Variants in ADNP2 observed in about 807,000 individuals in gnomAD.
ADNP2 encodes the protein activity-dependent neuroprotector homeobox protein 2.
ADNP2 carries 8 observed loss-of-function variants against 16.4 expected under a neutral mutation model. That is an observed-to-expected ratio of 0.49 (90% CI 0.29 to 0.88). The LOEUF (loss-of-function observed/expected upper bound fraction) is 0.88, where lower values mean the gene tolerates loss of function less well. Ranked by LOEUF, ADNP2 falls within the 40% of genes least tolerant of loss-of-function variation. The pLI is 0.09. For synonymous variants in ADNP2, 637 were observed against 545.8 expected, an observed-to-expected ratio of 1.17 and a Z score of -2.33; for missense variants, 1,397 against 1,395.1, an observed-to-expected ratio of 1.00 and a Z score of -0.02.
rs141615399 is a variant in ADNP2, at chr18:80,135,696, T to C, written c.283T>C (p.Tyr95His). 5 of 1,614,240 alleles carry C rather than the reference T, an allele frequency of 3.1e-6. No homozygotes were observed. The highest frequency in any genetic ancestry group is 4.2e-6 in the Non-Finnish European group (5 of 1,180,042). The change falls in exon 4 of 4, where the codon TAC becomes CAC. Residue 95 changes from tyrosine (Y) to histidine (H), a missense_variant. This residue lies in a region of ADNP2 where 777 missense variants were observed against 719.4 expected (regional missense o/e 1.08). Transcript: ENST00000262198. ...LTSFKNHLHR[Y>H]HEDEIDQELV... is the part of the protein sequence containing the mutation. ...TTCATTCAAGAATCATTTACATCGT[T>C]ACCATGAAGATGAAATTGACCAAGA...
chr18:80,126,842 G>A (rs1044376690), intron 2 of ADNP2, among the ~76,000 whole-genome samples: 1 of 152,038 alleles, frequency 6.6e-6, no homozygotes, highest in African/African-American at 2.4e-5. Flanking sequence ...TAGTTCCCCC[G>A]TATCCTCAGT....
chr18:80,134,801 AGT>A (rs1321983313), intron 3 of ADNP2, among the ~76,000 whole-genome samples: 1 of 152,044 alleles, frequency 6.6e-6, no homozygotes, highest in African/African-American at 2.4e-5. Flanking sequence ...GGTCATCCAT[AGT>A]GTGAGTTTAG....
chr18:80,137,319 C>A lies in ADNP2; in HGVS notation c.1906C>A (p.Pro636Thr). 6.2e-7 allele frequency: 1 copy of A among 1,613,960 alleles called. No homozygotes were observed. Among genetic ancestry groups the A allele is most frequent in the Non-Finnish European group, 8.5e-7 (1 of 1,179,910 alleles). ...VPPGGLATVA[P>T]PQMPIQLLPS... ...CCCTGGAGGCCTTGCGACTGTCGCT[C>A]CGCCCCAGATGCCCATCCAGCTCCT... The change falls in exon 4 of 4, where the codon CCG becomes ACG. Residue 636 changes from proline to threonine, a missense_variant. Physicochemically the swap from Pro to Thr is conservative, Grantham distance 38 (BLOSUM62 -1). Transcript: ENST00000262198. The surrounding 1 kb of genome is among the most constrained non-coding windows in gnomAD (Gnocchi z 4.2).
At position 80,133,115 on chromosome 18, in the gene ADNP2, T is replaced by G. The variant is rs1420326462; in HGVS notation, c.121T>G (p.Phe41Val). The stretch of plus-strand genomic sequence containing the variant: ...CCCTTTTTAAAAGGACCTTAAAGGC[T>G]TTGATCCAGGAGAGAAATACTTTCA... ...CKELLKDLKG[F>V]DPGEKYFHNT... Residue 41 changes from phenylalanine to valine, a missense_variant, in exon 3 of 4, where the codon TTT becomes GTT. Physicochemically the swap from Phe to Val is conservative, Grantham distance 50. Around this residue, in one of 3 missense-constraint regions of ADNP2, gnomAD observed 777 missense variants for 719.4 expected, o/e 1.08. Coordinates refer to ENST00000262198, the MANE Select transcript of ADNP2 (RefSeq NM_014913.4). The G allele has an allele frequency of 6.2e-7, 1 of 1,606,978 alleles. No individual in the cohort carries two copies. Among genetic ancestry groups the G allele is most frequent in the East Asian group, 2.2e-5 (1 of 44,842 alleles).
intron 1 of ADNP2, among the ~76,000 whole-genome samples, chr18:80,112,744 T>C (rs990189714): frequency 1.3e-5 from 2 of 152,204 alleles, no homozygotes; most frequent in Non-Finnish European, 2.9e-5. Context: ...AATCAGCCAA[T>C]CCCCAATCAC....
intron 2 of ADNP2, among the ~76,000 whole-genome samples, chr18:80,129,095 C>CTTTTTTTTTTTTTTTTTTTT (rs1424348931): frequency 7.6e-6 from 1 of 132,210 alleles, no homozygotes; most frequent in African/African-American, 2.9e-5. Flanking sequence ...TTACCCAGAA[C>CTTTTTTTTTTTTTTTTTTTT]TTTTTTTTTG....
At chr18:80,117,289 A>G (rs1195792693) in intron 1 of ADNP2, among the ~76,000 whole-genome samples, 2 of 152,064 alleles carry the variant, frequency 1.3e-5, no homozygotes, top group African/African-American at 2.4e-5. Context: ...ACGTTTTCTT[A>G]TAAGAGTTTT....
chr18:80,136,638 C>T lies in ADNP2; in HGVS notation c.1225C>T (p.Pro409Ser). 1.2e-6 allele frequency: 2 copies of T among 1,614,032 alleles called. No homozygotes were observed. The highest frequency in any genetic ancestry group is 1.7e-6 in the Non-Finnish European group (2 of 1,179,938). Residue 409 changes from proline (P) to serine (S), a missense_variant, in exon 4 of 4, where the codon CCC becomes TCC. Coordinates refer to ENST00000262198, the MANE Select transcript of ADNP2 (RefSeq NM_014913.4). ...GVLPLTQPVG[P>S]INRPVGPGVL... ...TTTACCCCTCACCCAGCCTGTGGGACCCATAAACAGACCTGTTGGGCCTGG... is the reference window on the plus strand; with the variant it reads ...TTTACCCCTCACCCAGCCTGTGGGATCCATAAACAGACCTGTTGGGCCTGG...
At chr18:80,113,650 C>G (rs567773021) in intron 1 of ADNP2, among the ~76,000 whole-genome samples, 12 of 152,214 alleles carry the variant, frequency 7.9e-5, no homozygotes, top group African/African-American at 2.6e-4. Context: ...TGAACATTTG[C>G]TACGTACTGT....
rs749656931 is a variant in ADNP2 at position 80,137,145 on chromosome 18, G to A, written c.1732G>A (p.Val578Met). The change falls in exon 4 of 4, where the codon GTG becomes ATG. Residue 578 changes from valine (V) to methionine (M), a missense_variant. By Grantham distance (21) the Val-to-Met change is conservative. Transcript: ENST00000262198. The surrounding 1 kb of genome is among the most constrained non-coding windows in gnomAD (Gnocchi z 4.2). ...NQTVGTNILP[V>M]NQPVRPGASQ... ...GACTGTGGGCACCAACATTCTGCCT[G>A]TGAATCAGCCAGTGAGACCTGGTGC... 1 of 1,614,236 alleles carries A rather than the reference G, an allele frequency of 6.2e-7. No individual in the cohort carries two copies. Among genetic ancestry groups the A allele is most frequent in the South Asian group, 1.1e-5 (1 of 91,084 alleles).
intron 1 of ADNP2, chr18:80,109,913 T>TG (rs1274193305): frequency 1.3e-5 from 2 of 151,372 alleles, no homozygotes; most frequent in Non-Finnish European, 2.9e-5. Context: ...TGGCGACCCC[T>TG]GTAAGGACTC....
intron 2 of ADNP2, among the ~76,000 whole-genome samples, chr18:80,128,587 C>CGGCAGT (rs1363946195): frequency 6.6e-6 from 1 of 151,976 alleles, no homozygotes; most frequent in Admixed American, 6.6e-5. Context: ...GAGGTGGAGG[C>CGGCAGT]GGCAGTGAGC....
chr18:80,112,468 C>CT (rs962867584), intron 1 of ADNP2, among the ~76,000 whole-genome samples: 2 of 151,578 alleles, frequency 1.3e-5, no homozygotes, highest in African/African-American at 4.9e-5. Context: ...TTTCCCCCTC[C>CT]TTTTTTTAAA....
Position 80,138,931 on chromosome 18 carries a change from C to A in ADNP2, c.*122C>A. 2.2e-6 allele frequency: 2 copies of A among 930,012 alleles called. No homozygotes were observed. Among genetic ancestry groups the A allele is most frequent in the Non-Finnish European group, 3.0e-6 (2 of 662,214 alleles). 57.6% of individuals were successfully genotyped at this position (930,012 alleles called of 1,614,324 possible). A position where few individuals can be genotyped will look rare whatever the true frequency, so the allele number is the denominator to read the frequency against. The stretch of plus-strand genomic sequence containing the variant: ...CCTCAGTGGTCACTGTGCTGCTCTG[C>A]AGAGTTACTTCAGGTGCTGGAGAGA... On this transcript the variant is annotated 3_prime_UTR_variant, in exon 4 of 4. Coordinates refer to ENST00000262198, the MANE Select transcript of ADNP2 (RefSeq NM_014913.4).
intron 2 of ADNP2, among the ~76,000 whole-genome samples, chr18:80,125,904 C>T (rs531040526): frequency 6.6e-6 from 1 of 152,248 alleles, no homozygotes; most frequent in East Asian, 1.9e-4. Context: ...CACGGTGTGG[C>T]AGGATTGAGT....
chr18:80,121,044 A>G (rs534313593), intron 2 of ADNP2, among the ~76,000 whole-genome samples: 2 of 152,292 alleles, frequency 1.3e-5, no homozygotes, highest in Non-Finnish European at 2.9e-5. Flanking sequence ...TTACTTTTTC[A>G]AAGAACTGCC....
Position 80,138,067 on chromosome 18 carries a change from T to C in ADNP2, c.2654T>C (p.Val885Ala). The C allele has an allele frequency of 1.2e-6, 2 of 1,613,846 alleles. No individual in the cohort carries two copies. Among genetic ancestry groups the C allele is most frequent in the Non-Finnish European group, 1.7e-6 (2 of 1,180,026 alleles). ...STCPFCFGPF[V>A]TTEAYELHLK... is the part of the protein sequence containing the mutation. Reference sequence around the variant, plus strand: ...TGCCCCTTTTGCTTTGGCCCCTTTGTGACAACTGAGGCCTATGAGCTGCAT... The same window carrying C: ...TGCCCCTTTTGCTTTGGCCCCTTTGCGACAACTGAGGCCTATGAGCTGCAT... The change falls in exon 4 of 4, where the codon GTG (valine) becomes GCG (alanine). Residue 885 changes from valine (V) to alanine (A), a missense_variant. By Grantham distance (64) the Val-to-Ala change is moderately conservative. Around this residue, in one of 3 missense-constraint regions of ADNP2, gnomAD observed 611 missense variants for 648.7 expected, o/e 0.94. Transcript: ENST00000262198.
Position 80,138,774 on chromosome 18 carries a change from G to A in ADNP2, c.3361G>A (p.Val1121Met). 1 of 1,560,864 alleles carries A rather than the reference G, an allele frequency of 6.4e-7. No individual in the cohort carries two copies. The highest frequency in any genetic ancestry group is 8.6e-7 in the Non-Finnish European group (1 of 1,159,940). Residue 1121 changes from valine (V) to methionine (M), a missense_variant, in exon 4 of 4, where the codon GTG (valine) becomes ATG (methionine). Transcript: ENST00000262198. ...LGFDMSELKN[V>M]KHRLNFEYEP ...CTTTGATATGTCTGAACTTAAAAAT[G>A]TGAAACATAGATTGAACTTTGAATA... is the stretch of plus-strand genomic sequence containing the variant.
rs749231573 is a variant in ADNP2 at position 80,137,441 on chromosome 18, C to G, written c.2028C>G (p.Ala676=). 2.5e-6 allele frequency: 4 copies of G among 1,614,168 alleles called. No homozygotes were observed. In the South Asian group the frequency reaches 4.4e-5, roughly 18 times the overall value. Residue 676 remains alanine (A), a synonymous_variant, in exon 4 of 4, where the codon GCC becomes GCG. Transcript: ENST00000262198. The surrounding 1 kb of genome is among the most constrained non-coding windows in gnomAD (Gnocchi z 4.2). ...VNAAQSVFVQ[A]SSSAADTNQV... is the part of the protein sequence containing the mutation. ...CTGCTCAGAGCGTGTTTGTTCAGGC[C>G]TCCTCCTCTGCAGCAGACACAAACC...
Sources: gnomAD v4.1 joint callset for allele counts (sites outside exome capture counted in the v4.1 genomes callset) on GRCh38, gnomAD v4.1.1 for gene constraint, gnomAD v4.1.1 regional missense constraint, Gnocchi (gnomAD v3.1) non-coding constraint, MANE v1.5 for transcripts, NCBI Gene and HGNC (gene_info 2026-07-23, HGNC 2026-07-21) for gene names.